The following CHLSN variants were observed in gnomAD, a reference collection of about 807,000 sequenced individuals.
The protein encoded by CHLSN is cholesin.
chr7:985,030 C>T, the CHLSN span: 12 of 1,611,854 alleles, frequency 7.4e-6, no homozygotes, highest in African/African-American at 1.3e-5. Flanking sequence ...GGGCGTGGGC[C>T]GGGAGCCGGT....
chr7:995,339 C>T, the CHLSN span, among the ~76,000 whole-genome samples: 1 of 152,204 alleles, frequency 6.6e-6, no homozygotes, highest in African/African-American at 2.4e-5. Context: ...GGTGGGAACC[C>T]CTGACAGGAG....
chr7:1,010,863 GAA>G, the CHLSN span, among the ~76,000 whole-genome samples: 41 of 152,218 alleles, frequency 2.7e-4, no homozygotes, highest in African/African-American at 9.9e-4. Context: ...GTCTTTTTTG[GAA>G]AAGTCAGAAC....
the CHLSN span, chr7:1,021,371 A>G: frequency 2.0e-6 from 2 of 985,354 alleles, no homozygotes; most frequent in Non-Finnish European, 1.2e-6. Context: ...CTTGACAGAG[A>G]TGATATTGCG....
chr7:1,027,891 G>A, the CHLSN span, among the ~76,000 whole-genome samples: 1 of 152,216 alleles, frequency 6.6e-6, no homozygotes, highest in Non-Finnish European at 1.5e-5. Flanking sequence ...GCGGCTGGGG[G>A]CCCGGTCCGC....
At chr7:1,132,604 G>C in the CHLSN span, among the ~76,000 whole-genome samples, 3 of 151,192 alleles carry the variant, frequency 2.0e-5, no homozygotes, top group Non-Finnish European at 2.9e-5. Flanking sequence ...TGAAGTGGGA[G>C]GATGACCTGA....
the CHLSN span, among the ~76,000 whole-genome samples, chr7:1,062,605 A>G: frequency 0.27 from 41,799 of 152,056 alleles, 5,940 homozygotes; most frequent in African/African-American, 0.3. Flanking sequence ...CTCCTCCCAG[A>G]AAAATAAGAA....
At chr7:1,135,930 AATATATAAGT>A in the CHLSN span, among the ~76,000 whole-genome samples, 1 of 121,992 alleles carries the variant, frequency 8.2e-6, no homozygotes, top group South Asian at 2.2e-4. Flanking sequence ...AGTATATATA[AATATATAAGT>A]ATATATAAAT....
At chr7:1,042,693 C>T in the CHLSN span, among the ~76,000 whole-genome samples, 1 of 152,164 alleles carries the variant, frequency 6.6e-6, no homozygotes, top group Non-Finnish European at 1.5e-5. Flanking sequence ...TAGCATTCCC[C>T]AGCCACAGAG....
chr7:981,296 C>CAAAAA, the CHLSN span, among the ~76,000 whole-genome samples: 4 of 84,432 alleles, frequency 4.7e-5, no homozygotes, highest in East Asian at 3.4e-4. Context: ...GACTCCATCT[C>CAAAAA]AAAAAAAAAA....
the CHLSN span, among the ~76,000 whole-genome samples, chr7:1,078,356 G>C: frequency 6.6e-6 from 1 of 152,022 alleles, no homozygotes; most frequent in Non-Finnish European, 1.5e-5. Flanking sequence ...GGGTGGGGGG[G>C]GGCTCAGGCA....
At chr7:1,086,427 A>G in the CHLSN span, among the ~76,000 whole-genome samples, 1 of 152,252 alleles carries the variant, frequency 6.6e-6, no homozygotes, top group African/African-American at 2.4e-5. Context: ...CCAAATACAA[A>G]AAGGTACATA....
At chr7:999,919 C>CT in the CHLSN span, among the ~76,000 whole-genome samples, 3 of 152,260 alleles carry the variant, frequency 2.0e-5, no homozygotes, top group African/African-American at 7.2e-5. Flanking sequence ...CTGTGAAACT[C>CT]TATCTCACAT....
the CHLSN span, among the ~76,000 whole-genome samples, chr7:1,136,709 C>G: frequency 6.7e-6 from 1 of 149,526 alleles, no homozygotes; most frequent in African/African-American, 2.5e-5. Flanking sequence ...TTATATATAT[C>G]ATCTACACAT....
chr7:983,254 T>C, the CHLSN span: 1 of 1,536,460 alleles, frequency 6.5e-7, no homozygotes, highest in South Asian at 1.2e-5. Context: ...CCTGGGGCTC[T>C]GGGGGCTGCT....
the CHLSN span, among the ~76,000 whole-genome samples, chr7:1,117,389 A>G: frequency 0.3 from 5,900 of 19,448 alleles, 1,058 homozygotes; most frequent in African/African-American, 0.51. Context: ...TTCCATCACC[A>G]ACGCCCACGC....
At chr7:985,222 C>G in the CHLSN span, 2 of 1,555,232 alleles carry the variant, frequency 1.3e-6, no homozygotes, top group East Asian at 4.8e-5. Context: ...CACCTTCGCG[C>G]TCCTCTTCGG....
At chr7:999,554 G>A in the CHLSN span, among the ~76,000 whole-genome samples, 1 of 152,128 alleles carries the variant, frequency 6.6e-6, no homozygotes, top group African/African-American at 2.4e-5. Context: ...CAGCCTGGGC[G>A]GGGCCCTGTC....
chr7:1,113,033 A>T, the CHLSN span, among the ~76,000 whole-genome samples: 19 of 152,304 alleles, frequency 1.2e-4, no homozygotes, highest in African/African-American at 4.6e-4. Flanking sequence ...GCAGTGCAGG[A>T]TCCTCCTGTA....
At chr7:1,079,422 T>A in the CHLSN span, among the ~76,000 whole-genome samples, 10 of 152,304 alleles carry the variant, frequency 6.6e-5, no homozygotes, top group East Asian at 1.2e-3. Flanking sequence ...TGGGATGGTA[T>A]GAAAGACAAG....
Sources: allele counts gnomAD v4.1 joint callset (sites outside exome capture counted in the v4.1 genomes callset), GRCh38; gene constraint gnomAD v4.1.1; transcripts MANE v1.5; gene names NCBI Gene and HGNC (gene_info 2026-07-23, HGNC 2026-07-21).